The following NTM variants were observed in gnomAD, a reference collection of about 807,000 sequenced individuals.
NTM encodes the protein IgLON family member 2.
In NTM, 13 loss-of-function variants were observed where a neutral mutation model predicts 42.1. That is an observed-to-expected ratio of 0.31 (90% confidence interval 0.20 to 0.49). The LOEUF is 0.49. Among genes scored for constraint, NTM ranks in the 20% least tolerant of loss-of-function variants. The pLI is 0.99. For synonymous variants in NTM, 187 were observed against 179.2 expected (o/e 1.04, Z -0.35); for missense variants, 373 against 452.8 (o/e 0.82, Z 1.60).
At chr11:131,744,874 C>G (rs377486261) in intron 1 of NTM, among the ~76,000 whole-genome samples, 1 of 152,154 alleles carries the variant, frequency 6.6e-6, no homozygotes, top group East Asian at 1.9e-4. Context: ...GTGCAGCGTT[C>G]GTATCACATC....
intron 1 of NTM, among the ~76,000 whole-genome samples, chr11:131,905,353 C>G (rs899705022): frequency 1.3e-5 from 2 of 152,192 alleles, no homozygotes; most frequent in African/African-American, 4.8e-5. Context: ...ATGTCGATGG[C>G]ATTAGAGGTT....
chr11:131,788,884 C>T (rs768948486), intron 1 of NTM, among the ~76,000 whole-genome samples: 12 of 152,172 alleles, frequency 7.9e-5, no homozygotes, highest in Non-Finnish European at 1.8e-4. Flanking sequence ...CTCTCCGTGG[C>T]CACCTGGGAA....
intron 1 of NTM, among the ~76,000 whole-genome samples, chr11:131,428,342 C>T (rs1459323040): frequency 1.3e-5 from 2 of 152,338 alleles, no homozygotes; most frequent in Admixed American, 6.5e-5. Context: ...CCTTTCCAGG[C>T]TGCACCTGCA....
chr11:132,058,301 G>A (rs2135995090), intron 2 of NTM, among the ~76,000 whole-genome samples: 1 of 152,280 alleles, frequency 6.6e-6, no homozygotes, highest in South Asian at 2.1e-4. Context: ...TAAAAATGGG[G>A]AAGGCGTGGA....
At chr11:132,244,995 C>T (rs1194038575) in intron 4 of NTM, among the ~76,000 whole-genome samples, 1 of 152,222 alleles carries the variant, frequency 6.6e-6, no homozygotes, top group Non-Finnish European at 1.5e-5. Context: ...ATCTGCGGCT[C>T]TGAGTGAGAA....
At chr11:131,516,273 G>A (rs946226205) in intron 1 of NTM, among the ~76,000 whole-genome samples, 1 of 152,202 alleles carries the variant, frequency 6.6e-6, no homozygotes, top group Non-Finnish European at 1.5e-5. Flanking sequence ...TAGAACAGAT[G>A]CTTAGTTTAT....
chr11:131,883,263 T>A (rs576800643), intron 1 of NTM, among the ~76,000 whole-genome samples: 1 of 152,328 alleles, frequency 6.6e-6, no homozygotes, highest in African/African-American at 2.4e-5. Flanking sequence ...GAATATTTCA[T>A]ATTCAAAGGT....
chr11:131,732,064 C>G (rs1047504094), intron 1 of NTM, among the ~76,000 whole-genome samples: 3 of 152,198 alleles, frequency 2.0e-5, no homozygotes, highest in Non-Finnish European at 4.4e-5. Flanking sequence ...CTCAAACTCT[C>G]TGGACCCCCA....
intron 1 of NTM, among the ~76,000 whole-genome samples, chr11:131,465,174 G>A (rs1951771036): frequency 6.6e-6 from 1 of 152,184 alleles, no homozygotes; most frequent in Admixed American, 6.5e-5. Flanking sequence ...CTTTGCTGGT[G>A]ACAAATGAGT....
intron 1 of NTM, among the ~76,000 whole-genome samples, chr11:131,607,751 G>A (rs988414711): frequency 1.6e-4 from 24 of 152,136 alleles, no homozygotes; most frequent in African/African-American, 5.8e-4. Flanking sequence ...ATTGTTGTAC[G>A]TATTTACCAT....
intron 4 of NTM, among the ~76,000 whole-genome samples, chr11:132,233,044 C>T (rs11222978): frequency 0.11 from 16,565 of 152,118 alleles, 1,488 homozygotes; most frequent in African/African-American, 0.24. Flanking sequence ...GAGAGTTGAA[C>T]GTTAGGACAC....
chr11:131,971,243 T>C (rs1207691950), intron 2 of NTM, among the ~76,000 whole-genome samples: 2 of 152,206 alleles, frequency 1.3e-5, no homozygotes, highest in African/African-American at 2.4e-5. Flanking sequence ...TAATCTCTGA[T>C]TCCCATTTTT....
intron 1 of NTM, chr11:131,795,349 A>G (rs2091438431): frequency 1.0e-6 from 1 of 977,074 alleles, no homozygotes; most frequent in Non-Finnish European, 1.2e-6. Context: ...TAAGTGGGAG[A>G]TGTTATTGTT....
At chr11:132,307,582 T>C in intron 4 of NTM, 107 bp from the exon 5 acceptor site, 1 of 1,483,828 alleles carries the variant, frequency 6.7e-7, no homozygotes, top group South Asian at 1.3e-5. Context: ...AACTTACAAC[T>C]GGCAAATTAT....
chr11:131,582,989 C>T lies in NTM; in HGVS notation c.82+212101C>T, dbSNP rs184787459. ...TCAAATAGAAGGGATTTCTGTAGGA[C>T]GATGGCTCCGAATGCTGCTTGGATC... On this transcript the variant is annotated intron_variant, in intron 1 of 8. Coordinates refer to ENST00000683400, the MANE Select transcript of NTM (RefSeq NM_001352005.2). Among the ~76,000 whole-genome samples, 117 of 152,332 alleles carry T rather than the reference C, an allele frequency of 7.7e-4. 1 individual carries two copies. Among genetic ancestry groups the T allele is most frequent in the African/African-American group, 2.6e-3 (109 of 41,580 alleles).
At chr11:131,830,689 T>C (rs1160570266) in intron 1 of NTM, among the ~76,000 whole-genome samples, 1 of 152,240 alleles carries the variant, frequency 6.6e-6, no homozygotes, top group Non-Finnish European at 1.5e-5. Flanking sequence ...AGAATAGTTT[T>C]TTCTCATTCT....
At chr11:132,269,084 A>G (rs1213724819) in intron 4 of NTM, among the ~76,000 whole-genome samples, 1 of 152,186 alleles carries the variant, frequency 6.6e-6, no homozygotes, top group Admixed American at 6.5e-5. Flanking sequence ...ACTTTAATTA[A>G]ATGTAAGAGT....
At chr11:131,592,521 T>C (rs1414150830) in intron 1 of NTM, among the ~76,000 whole-genome samples, 1 of 58,174 alleles carries the variant, frequency 1.7e-5, no homozygotes, top group Non-Finnish European at 4.3e-5. Flanking sequence ...ATAATAGGTC[T>C]TTCAAAAAAA....
intron 2 of NTM, among the ~76,000 whole-genome samples, chr11:132,138,859 T>A (rs1014925666): frequency 7.9e-5 from 12 of 152,176 alleles, no homozygotes; most frequent in Admixed American, 2.0e-4. Flanking sequence ...AGCCTGCTGA[T>A]CATCTCTTCT....
Sources: allele counts gnomAD v4.1 joint callset (sites outside exome capture counted in the v4.1 genomes callset), GRCh38; gene constraint gnomAD v4.1.1; transcripts MANE v1.5; gene names NCBI Gene and HGNC (gene_info 2026-07-23, HGNC 2026-07-21).